FANCC: variants seen among roughly 807,000 people sequenced by gnomAD.
The protein encoded by FANCC is FA complementation group C, also known as Fanconi anemia group C protein.
In FANCC, 55 loss-of-function variants were observed where a neutral mutation model predicts 71.3. The ratio of observed to expected loss-of-function variants is 0.77; its 90% confidence interval spans 0.62 to 0.97. FANCC has a LOEUF of 0.97. FANCC is among the 50% of genes least tolerant of loss of function. FANCC has a pLI of 0.00. For synonymous variants in FANCC, 275 were observed against 244.9 expected, an observed-to-expected ratio of 1.12 and a Z score of -1.15; for missense variants, 678 against 670.9, an observed-to-expected ratio of 1.01 and a Z score of -0.12.
chr9:95,160,386 T>C (rs532495322), intron 6 of FANCC, among the ~76,000 whole-genome samples: 36 of 152,306 alleles, frequency 2.4e-4, no homozygotes, highest in African/African-American at 4.8e-4. Context: ...CATTGGTCTA[T>C]ATCTCTGTTT....
chr9:95,165,762 G>A (rs74373695), intron 6 of FANCC, among the ~76,000 whole-genome samples: 1 of 151,910 alleles, frequency 6.6e-6, no homozygotes, highest in Non-Finnish European at 1.5e-5. Flanking sequence ...GCTGTTATTG[G>A]GTAGAATGTT....
chr9:95,299,448 T>A (rs1404033287), intron 1 of FANCC, among the ~76,000 whole-genome samples: 1 of 152,248 alleles, frequency 6.6e-6, no homozygotes, highest in Non-Finnish European at 1.5e-5. Context: ...GAAACCGTTA[T>A]CCACATCTAA....
intron 1 of FANCC, among the ~76,000 whole-genome samples, chr9:95,311,496 C>A (rs1441523252): frequency 6.6e-6 from 1 of 152,116 alleles, no homozygotes; most frequent in Non-Finnish European, 1.5e-5. Context: ...CAATTCCATA[C>A]CTTTGAACTG....
rs1057517131 is a variant in FANCC, at chr9:95,249,182, T to TGA, written c.108_109dup (p.His37LeufsTer10). Reference sequence around the variant, plus strand: ...TAGGAACTCCTGGAACTGAGCCACGTGAAGACAGGTGTCTTGCTGGGTTTC... The same window carrying TGA: ...TAGGAACTCCTGGAACTGAGCCACGTGAGAAGACAGGTGTCTTGCTGGGTTTC... On this transcript the variant is annotated frameshift_variant, in exon 2 of 15. Transcript: ENST00000289081. LOFTEE classifies it high-confidence loss of function. 4 of 1,614,036 alleles carry TGA rather than the reference T, an allele frequency of 2.5e-6. No homozygotes were observed. Among genetic ancestry groups the TGA allele is most frequent in the Non-Finnish European group, 3.4e-6 (4 of 1,180,000 alleles).
intron 14 of FANCC, among the ~76,000 whole-genome samples, chr9:95,103,079 A>G (rs1316296663): frequency 6.6e-5 from 10 of 152,158 alleles, no homozygotes; most frequent in Non-Finnish European, 7.4e-5. Context: ...TTCATCAAGG[A>G]AACAATGTGA....
chr9:95,310,803 A>T (rs891454007), intron 1 of FANCC, among the ~76,000 whole-genome samples: 2 of 152,218 alleles, frequency 1.3e-5, no homozygotes, highest in Non-Finnish European at 2.9e-5. Context: ...ACAAACATCA[A>T]TGCAGTTATA....
At chr9:95,153,055 G>T (rs1156659532) in intron 6 of FANCC, among the ~76,000 whole-genome samples, 1 of 152,186 alleles carries the variant, frequency 6.6e-6, no homozygotes, top group Non-Finnish European at 1.5e-5. Flanking sequence ...CAAGCTTGTT[G>T]TATGTCTCTG....
intron 1 of FANCC, among the ~76,000 whole-genome samples, chr9:95,267,284 T>C (rs755956661): frequency 4.6e-5 from 7 of 152,172 alleles, no homozygotes; most frequent in African/African-American, 1.7e-4. Context: ...CATCCTTGCC[T>C]CCTATGGAGT....
At chr9:95,117,506 G>A in intron 10 of FANCC, 116 bp from the exon 11 acceptor site, 1 of 756,530 alleles carries the variant, frequency 1.3e-6, no homozygotes, top group South Asian at 1.5e-5. Context: ...AACATGGTCA[G>A]AACACTTTCT....
intron 1 of FANCC, among the ~76,000 whole-genome samples, chr9:95,254,901 T>G (rs1588365940): frequency 6.6e-6 from 1 of 151,950 alleles, no homozygotes; most frequent in South Asian, 2.1e-4. Context: ...GGGAGGGGCG[T>G]CCCCCATTAC....
chr9:95,240,561 T>A, intron 4 of FANCC, 88 bp downstream of exon 4: 1 of 875,280 alleles, frequency 1.1e-6, no homozygotes, highest in Admixed American at 1.9e-5. Context: ...TAGAACTGGA[T>A]TCCACCCCAC....
chr9:95,167,506 CTTTTT>C (rs990475588), intron 6 of FANCC, among the ~76,000 whole-genome samples: 1 of 151,790 alleles, frequency 6.6e-6, no homozygotes, highest in African/African-American at 2.4e-5. Context: ...ATTCTTTTTT[CTTTTT>C]GTTTCTCTGA....
intron 4 of FANCC, among the ~76,000 whole-genome samples, chr9:95,218,368 G>A (rs1481598158): frequency 6.6e-6 from 1 of 152,170 alleles, no homozygotes; most frequent in Non-Finnish European, 1.5e-5. Context: ...AGTAGGCTGA[G>A]GTGGGAGGAC....
At chr9:95,158,581 A>G (rs1041851650) in intron 6 of FANCC, among the ~76,000 whole-genome samples, 1 of 152,242 alleles carries the variant, frequency 6.6e-6, no homozygotes, top group African/African-American at 2.4e-5. Context: ...AAATATTAAC[A>G]ATTTATAGGA....
chr9:95,114,101 A>AACC (rs1307790660), intron 12 of FANCC: 7 of 187,212 alleles, frequency 3.7e-5, no homozygotes, highest in Non-Finnish European at 4.6e-5. Flanking sequence ...AATTTAAAAC[A>AACC]AACCAACCAA....
Position 95,111,534 on chromosome 9 carries a change from TGGG to T in FANCC, c.1255_1257del (p.Pro419del), listed in dbSNP as rs765551897. ...AAGGCCAAGAGCCACAGCAGGGCCG[TGGG>T]GGGTTCGGCTGCCGACATCAGTAAT... On this transcript the variant is annotated inframe_deletion, in exon 13 of 15. Transcript: ENST00000289081. The T allele has an allele frequency of 6.2e-7, 1 of 1,614,054 alleles. No individual in the cohort carries two copies. The highest frequency in any genetic ancestry group is 8.5e-7 in the Non-Finnish European group (1 of 1,180,020).
chr9:95,232,525 C>T (rs192316128), intron 4 of FANCC, among the ~76,000 whole-genome samples: 85 of 152,284 alleles, frequency 5.6e-4, no homozygotes, highest in Non-Finnish European at 1.2e-3. Flanking sequence ...ATTAAATTCA[C>T]TATTTATTCA....
At chr9:95,301,487 G>A (rs867451880) in intron 1 of FANCC, among the ~76,000 whole-genome samples, 4 of 151,918 alleles carry the variant, frequency 2.6e-5, no homozygotes, top group African/African-American at 9.7e-5. Flanking sequence ...GAGTGCAGTG[G>A]CATGACTGAT....
At chr9:95,146,391 G>A (rs937671503) in intron 7 of FANCC, among the ~76,000 whole-genome samples, 2 of 150,502 alleles carry the variant, frequency 1.3e-5, no homozygotes, top group South Asian at 2.1e-4. Context: ...AGGAGGCTGA[G>A]GTGGGAGGAT....
Sources: gnomAD v4.1 joint callset for allele counts (sites outside exome capture counted in the v4.1 genomes callset) on GRCh38, gnomAD v4.1.1 for gene constraint, MANE v1.5 for transcripts, NCBI Gene and HGNC (gene_info 2026-07-23, HGNC 2026-07-21) for gene names.